Variants in BMPR2 observed in about 807,000 individuals in gnomAD.
BMPR2 encodes bone morphogenetic protein receptor type 2.
Under a neutral mutation model 100.8 loss-of-function variants are expected in BMPR2, and 29 were observed. That is an observed-to-expected ratio of 0.29 (90% CI 0.21 to 0.39). The LOEUF (loss-of-function observed/expected upper bound fraction) is 0.39. BMPR2 is among the 10% of genes least tolerant of loss of function. The pLI, the probability that BMPR2 is intolerant of heterozygous loss-of-function variation, is 1.00. For missense variants in BMPR2, 1,011 were observed against 1,274.5 expected (o/e 0.79, Z 3.15); for synonymous variants, 382 against 442.3 (o/e 0.86, Z 1.71).
chr2:202,400,769 AC>A (rs933121052), intron 1 of BMPR2, among the ~76,000 whole-genome samples: 2 of 152,222 alleles, frequency 1.3e-5, no homozygotes, highest in Non-Finnish European at 2.9e-5. Context: ...TAACTTTGCC[AC>A]TAGAAATACA....
rs1370194779 is a variant in BMPR2 at position 202,566,220 on chromosome 2, G to A, written c.*6274G>A. The A allele has an allele frequency of 6.6e-6, 1 of 152,522 alleles. No homozygotes were observed. Among genetic ancestry groups the A allele is most frequent in the Non-Finnish European group, 1.5e-5 (1 of 67,982 alleles). 9.4% of individuals were successfully genotyped at this position (152,522 alleles called of 1,614,324 possible). On this transcript the variant is annotated 3_prime_UTR_variant, in exon 13 of 13. Transcript: ENST00000374580. ...ATTTTATTTATACCTTTAGATTTCA[G>A]AAACATCTTCATGTTTTAGATGCAT...
intron 10 of BMPR2, among the ~76,000 whole-genome samples, chr2:202,549,528 G>A (rs1431938099): frequency 2.0e-5 from 3 of 152,146 alleles, no homozygotes; most frequent in Admixed American, 1.3e-4. Flanking sequence ...TTTTGTGACC[G>A]GGCGCAGTGG....
At chr2:202,423,153 T>A (rs984716760) in intron 1 of BMPR2, among the ~76,000 whole-genome samples, 3 of 151,608 alleles carry the variant, frequency 2.0e-5, no homozygotes, top group African/African-American at 7.3e-5. Context: ...CCACCCAGAG[T>A]GCTGGGATTA....
rs139638708 is a variant in BMPR2 at position 202,506,431 on chromosome 2, C to T, written c.419-7288C>T. Among the ~76,000 whole-genome samples the T allele has an allele frequency of 4.6e-5, 7 of 152,212 alleles. No individual in the cohort carries two copies. The East Asian group carries it at 1.2e-3, about 25-fold the overall frequency. Reference sequence around the variant, plus strand: ...TCCACCCACCTTGGCCTCCACTTTACAGACATGAGCCACCATGCCTGGCCT... The same window carrying T: ...TCCACCCACCTTGGCCTCCACTTTATAGACATGAGCCACCATGCCTGGCCT... On this transcript the variant is annotated intron_variant, in intron 3 of 12. Transcript: ENST00000374580.
intron 1 of BMPR2, among the ~76,000 whole-genome samples, chr2:202,409,264 G>A (rs1377041695): frequency 6.6e-6 from 1 of 152,166 alleles, no homozygotes; most frequent in Non-Finnish European, 1.5e-5. Flanking sequence ...AGAATCACTT[G>A]AACCCAGAAG....
intron 3 of BMPR2, among the ~76,000 whole-genome samples, chr2:202,468,589 T>TA (rs1692371242): frequency 6.6e-6 from 1 of 152,246 alleles, no homozygotes; most frequent in Non-Finnish European, 1.5e-5. Flanking sequence ...ATCTGGAAGA[T>TA]ACATCTTCAA....
intron 7 of BMPR2, among the ~76,000 whole-genome samples, chr2:202,527,660 G>T (rs1221681411): frequency 6.6e-6 from 1 of 151,614 alleles, no homozygotes; most frequent in Non-Finnish European, 1.5e-5. Flanking sequence ...GGTGGCGGGC[G>T]CCTGTAGTCC....
chr2:202,439,131 CT>C (rs1298900522), intron 1 of BMPR2, among the ~76,000 whole-genome samples: 1 of 150,182 alleles, frequency 6.7e-6, no homozygotes, highest in Non-Finnish European at 1.5e-5. Flanking sequence ...GATAAGATTA[CT>C]TTTTTTCAGT....
At chr2:202,386,285 C>T (rs1690424869) in intron 1 of BMPR2, among the ~76,000 whole-genome samples, 1 of 152,154 alleles carries the variant, frequency 6.6e-6, no homozygotes, top group South Asian at 2.1e-4. Flanking sequence ...TCTGTCGTAT[C>T]TACTTGGATG....
chr2:202,454,149 A>C (rs916382713), intron 1 of BMPR2, among the ~76,000 whole-genome samples: 8 of 152,124 alleles, frequency 5.3e-5, no homozygotes, highest in Non-Finnish European at 1.2e-4. Flanking sequence ...GGGTTACTGC[A>C]ATCACCACCT....
Position 202,561,064 on chromosome 2 carries a change from A to G in BMPR2, c.*1118A>G, listed in dbSNP as rs1046940792. The stretch of plus-strand genomic sequence containing the variant: ...CTTCAGAAGTAATTTATAGTTCTGA[A>G]CCTATAGTATCTTTTACCCTGTTCC... On this transcript the variant is annotated 3_prime_UTR_variant, in exon 13 of 13. Transcript: ENST00000374580. The G allele has an allele frequency of 2.0e-5, 3 of 152,010 alleles. No individual in the cohort carries two copies. Among genetic ancestry groups the G allele is most frequent in the African/African-American group, 7.2e-5 (3 of 41,424 alleles). The allele number at this position is 152,010 out of a possible 1,614,324, so 9.4% of individuals were successfully genotyped here. A position where few individuals can be genotyped will look rare whatever the true frequency, so the allele number is the denominator to read the frequency against.
At chr2:202,500,385 T>C (rs1036015756) in intron 3 of BMPR2, among the ~76,000 whole-genome samples, 2 of 152,182 alleles carry the variant, frequency 1.3e-5, no homozygotes, top group Non-Finnish European at 2.9e-5. Context: ...GGGAGGGATA[T>C]ATTAGCCAAG....
At chr2:202,441,478 G>A (rs1479746569) in intron 1 of BMPR2, among the ~76,000 whole-genome samples, 1 of 148,570 alleles carries the variant, frequency 6.7e-6, no homozygotes, top group Non-Finnish European at 1.5e-5. Flanking sequence ...GCCGAGGCGG[G>A]TGGATCACGA....
chr2:202,478,974 A>T lies in BMPR2; in HGVS notation c.418+11285A>T, dbSNP rs1574469650. 2.0e-5 allele frequency among the ~76,000 whole-genome samples: 3 copies of T among 152,092 alleles called. 1 individual carries two copies. In the East Asian group the frequency reaches 5.8e-4, roughly 29 times the overall value. On this transcript the variant is annotated intron_variant, in intron 3 of 12. Coordinates refer to ENST00000374580, the MANE Select transcript of BMPR2 (RefSeq NM_001204.7). ...GAAGAAAAAAATCAAAAGTGTATATATTGTGGTAGGCAGCTTCTGACATGG... is the reference window on the plus strand; with the variant it reads ...GAAGAAAAAAATCAAAAGTGTATATTTTGTGGTAGGCAGCTTCTGACATGG...
At chr2:202,380,961 C>CTT (rs1690274362) in intron 1 of BMPR2, among the ~76,000 whole-genome samples, 1 of 100,242 alleles carries the variant, frequency 1.0e-5, no homozygotes, top group African/African-American at 3.9e-5. Context: ...GGATTTCTTT[C>CTT]TTTCTTTTTT....
At chr2:202,542,275 A>G (rs746303056) in intron 9 of BMPR2, 36 bp from the exon 10 acceptor site, 2 of 1,611,052 alleles carry the variant, frequency 1.2e-6, no homozygotes, top group East Asian at 4.5e-5. Context: ...GATAGTTAGA[A>G]ATTTTATTCT....
chr2:202,551,848 C>T (rs1024747939), intron 10 of BMPR2, among the ~76,000 whole-genome samples: 1 of 150,944 alleles, frequency 6.6e-6, no homozygotes, highest in African/African-American at 2.4e-5. Flanking sequence ...AGATGCATAC[C>T]ACCATGCTGG....
intron 1 of BMPR2, among the ~76,000 whole-genome samples, chr2:202,398,652 G>C (rs924965425): frequency 6.6e-6 from 1 of 152,184 alleles, no homozygotes; most frequent in Non-Finnish European, 1.5e-5. Context: ...ACTGACATTT[G>C]AACATTGTTT....
At chr2:202,379,877 A>G (rs760294346) in intron 1 of BMPR2, among the ~76,000 whole-genome samples, 16 of 137,304 alleles carry the variant, frequency 1.2e-4, no homozygotes, top group Non-Finnish European at 2.2e-4. Context: ...TTTTTTGTTC[A>G]GACAGAGTAT....
Sources: gnomAD v4.1 joint callset for allele counts (sites outside exome capture counted in the v4.1 genomes callset) on GRCh38, gnomAD v4.1.1 for gene constraint, MANE v1.5 for transcripts, NCBI Gene and HGNC (gene_info 2026-07-23, HGNC 2026-07-21) for gene names.